COL4A2: variants seen among roughly 807,000 people sequenced by gnomAD.
The protein encoded by COL4A2 is collagen alpha-2(IV) chain.
A neutral mutation model predicts 200.2 loss-of-function variants in COL4A2; 99 were observed. The observed-to-expected ratio is 0.49, with a 90% CI of 0.42 to 0.58. The LOEUF is 0.58. Ranked by LOEUF, COL4A2 falls within the 20% of genes least tolerant of loss-of-function variation. COL4A2 has a pLI of 0.00. For missense variants in COL4A2, 1,950 were observed against 2,314.1 expected (o/e 0.84, Z 3.23); for synonymous variants, 897 against 900.6 (o/e 1.00, Z 0.07).
At chr13:110,439,973 A>G in intron 16 of COL4A2, 140 bp downstream of exon 16, 1 of 1,316,870 alleles carries the variant, frequency 7.6e-7, no homozygotes, top group Non-Finnish European at 1.0e-6. Flanking sequence ...TTGCAGTCAC[A>G]AAGATAATCC....
intron 4 of COL4A2, among the ~76,000 whole-genome samples, chr13:110,410,266 C>T (rs1566518181): frequency 6.6e-6 from 1 of 152,254 alleles, no homozygotes; most frequent in African/African-American, 2.4e-5. Context: ...TTGCAGTTAT[C>T]ACACTCAAAG....
intron 3 of COL4A2, among the ~76,000 whole-genome samples, chr13:110,308,841 CTT>C (rs905269334): frequency 2.0e-4 from 31 of 152,314 alleles, no homozygotes; most frequent in African/African-American, 7.2e-4. Context: ...GTAGGAGCCA[CTT>C]TTACTGAGCT....
At chr13:110,479,346 G>A (rs557853330) in intron 30 of COL4A2, among the ~76,000 whole-genome samples, 7 of 152,372 alleles carry the variant, frequency 4.6e-5, no homozygotes, top group East Asian at 1.9e-4. Flanking sequence ...CAGAGGAGGC[G>A]GGGACAGGCA....
At chr13:110,325,144 C>A (rs960906582) in intron 3 of COL4A2, among the ~76,000 whole-genome samples, 8 of 152,318 alleles carry the variant, frequency 5.3e-5, no homozygotes, top group Non-Finnish European at 1.0e-4. Context: ...CTTAGCTCAG[C>A]CTTTTACCAA....
intron 4 of COL4A2, among the ~76,000 whole-genome samples, chr13:110,413,662 CG>C (rs1473631991): frequency 1.3e-5 from 2 of 152,214 alleles, no homozygotes; most frequent in African/African-American, 4.8e-5. Flanking sequence ...GACAAAAAAA[CG>C]CAAAGGCTAT....
intron 29 of COL4A2, among the ~76,000 whole-genome samples, chr13:110,475,189 C>T (rs892069031): frequency 1.3e-5 from 2 of 152,252 alleles, no homozygotes; most frequent in African/African-American, 4.8e-5. Context: ...CTCGGCCATC[C>T]AGATCTCCCC....
At chr13:110,433,643 T>C (rs1456728175) in intron 11 of COL4A2, among the ~76,000 whole-genome samples, 2 of 152,220 alleles carry the variant, frequency 1.3e-5, no homozygotes, top group African/African-American at 4.8e-5. Flanking sequence ...AGATAGGGCT[T>C]ATGTGACCCC....
intron 31 of COL4A2, among the ~76,000 whole-genome samples, chr13:110,481,160 T>C (rs35961632): frequency 3.3e-4 from 14 of 42,914 alleles, no homozygotes; most frequent in African/African-American, 3.9e-4. Flanking sequence ...AGACACACTG[T>C]TCTGTCCCTC....
intron 3 of COL4A2, among the ~76,000 whole-genome samples, chr13:110,350,864 G>A (rs1056575744): frequency 2.0e-5 from 3 of 152,138 alleles, no homozygotes; most frequent in African/African-American, 7.2e-5. Context: ...CTGCCCTTCA[G>A]ACAAGCACTC....
chr13:110,360,938 C>A (rs568095306), intron 4 of COL4A2, among the ~76,000 whole-genome samples: 85 of 152,334 alleles, frequency 5.6e-4, no homozygotes, highest in African/African-American at 1.9e-3. Context: ...TGCCAAGGGA[C>A]CACACAGCCA....
At chr13:110,366,846 GA>G (rs1302134150) in intron 4 of COL4A2, among the ~76,000 whole-genome samples, 2 of 152,292 alleles carry the variant, frequency 1.3e-5, no homozygotes. Flanking sequence ...ATGTCCTTAG[GA>G]AGCTGGTCAA....
At chr13:110,482,128 G>A (rs567180067) in intron 31 of COL4A2, among the ~76,000 whole-genome samples, 23 of 152,326 alleles carry the variant, frequency 1.5e-4, no homozygotes, top group South Asian at 6.2e-4. Context: ...GACTTTCTGC[G>A]GTCCTGTGTC....
intron 3 of COL4A2, among the ~76,000 whole-genome samples, chr13:110,353,143 T>G (rs558363393): frequency 6.6e-6 from 1 of 152,312 alleles, no homozygotes; most frequent in East Asian, 1.9e-4. Context: ...AAAAGAGGTG[T>G]GTCAAATGCT....
At chr13:110,357,365 GA>G (rs1877322104) in intron 3 of COL4A2, 106 bp from the exon 4 acceptor site, 7 of 1,455,872 alleles carry the variant, frequency 4.8e-6, no homozygotes, top group Non-Finnish European at 5.5e-6. Context: ...TGTTTTGAAT[GA>G]ATCGTTTCTA....
chr13:110,432,808 T>C (rs540575273), intron 11 of COL4A2, among the ~76,000 whole-genome samples: 10 of 152,350 alleles, frequency 6.6e-5, no homozygotes, highest in African/African-American at 9.6e-5. Context: ...TCTAGGGATA[T>C]ATTCAGTGAT....
intron 13 of COL4A2, among the ~76,000 whole-genome samples, chr13:110,437,782 C>T (rs1158555606): frequency 6.6e-6 from 1 of 152,152 alleles, no homozygotes; most frequent in African/African-American, 2.4e-5. Flanking sequence ...AAGAGGAATA[C>T]AGGAATTAAT....
At chr13:110,491,596 C>T (rs532326438) in intron 37 of COL4A2, among the ~76,000 whole-genome samples, 2 of 152,184 alleles carry the variant, frequency 1.3e-5, no homozygotes, top group African/African-American at 4.8e-5. Context: ...GCCTCTGTCT[C>T]TCATATAGAA....
In COL4A2 at chr13:110,503,655, G is replaced by A. The variant is rs77107529; in HGVS notation, c.4138+174G>A. Among the ~76,000 whole-genome samples the A allele has an allele frequency of 4.6e-3, 702 of 152,292 alleles. 7 individuals are homozygous for A. Among genetic ancestry groups the A allele is most frequent in the African/African-American group, 0.014 (577 of 41,574 alleles). On this transcript the variant is annotated intron_variant, in intron 43 of 47. Coordinates refer to ENST00000360467, the MANE Select transcript of COL4A2 (RefSeq NM_001846.4). ...ATGTTGTCACAGGACCTTGGGGAAT[G>A]GAGAGCTTAATATTCAAACGGCAGG...
chr13:110,348,738 G>A (rs907761131), intron 3 of COL4A2, among the ~76,000 whole-genome samples: 13 of 151,952 alleles, frequency 8.6e-5, no homozygotes, highest in African/African-American at 2.4e-4. Context: ...TGTTGATCTT[G>A]TTTGTCACTT....
Sources: gnomAD v4.1 joint callset for allele counts (sites outside exome capture counted in the v4.1 genomes callset) on GRCh38, gnomAD v4.1.1 for gene constraint, MANE v1.5 for transcripts, NCBI Gene and HGNC (gene_info 2026-07-23, HGNC 2026-07-21) for gene names.